TXNDC15: variants seen among roughly 807,000 people sequenced by gnomAD.
TXNDC15 encodes the protein thioredoxin domain containing 15, also known as thioredoxin domain-containing protein 15.
A neutral mutation model predicts 35.0 loss-of-function variants in TXNDC15; 24 were observed. That is an observed-to-expected ratio of 0.68 (90% CI 0.50 to 0.96). The LOEUF (loss-of-function observed/expected upper bound fraction) is 0.96, where lower values mean the gene tolerates loss of function less well. Ranked by LOEUF, TXNDC15 falls within the 40% of genes least tolerant of loss-of-function variation. TXNDC15 has a pLI of 0.00. For missense variants in TXNDC15, 385 were observed against 453.3 expected (o/e 0.85, Z 1.37); for synonymous variants, 169 against 174.0 (o/e 0.97, Z 0.23).
At position 134,887,991 on chromosome 5, in the gene TXNDC15, G is replaced by A; in HGVS notation, c.400G>A (p.Asp134Asn). The change falls in exon 2 of 5, where the codon GAT becomes AAT. Residue 134 changes from aspartate (D) to asparagine (N), a missense_variant. Coordinates refer to ENST00000358387, the MANE Select transcript of TXNDC15 (RefSeq NM_024715.4). ...CGTCCGAGAGAGCCTTTTCTCTCTG[G>A]ATGGCGCTGGAGCACACTTCCCTGA... Reference protein sequence around the residue: ...CNVRESLFSLDGAGAHFPDRE... With the variant: ...CNVRESLFSLNGAGAHFPDRE... 3.1e-6 allele frequency: 5 copies of A among 1,614,210 alleles called. No individual in the cohort carries two copies. Among genetic ancestry groups the A allele is most frequent in the Non-Finnish European group, 3.4e-6 (4 of 1,180,036 alleles).
Position 134,899,898 on chromosome 5 carries a change from G to A in TXNDC15, c.*213G>A. 1 of 470,604 alleles carries A rather than the reference G, an allele frequency of 2.1e-6. No homozygotes were observed. Among genetic ancestry groups the A allele is most frequent in the South Asian group, 3.8e-5 (1 of 26,486 alleles). The allele number at this position is 470,604 out of a possible 1,614,324, so 29.2% of individuals were successfully genotyped here. A position where few individuals can be genotyped will look rare whatever the true frequency, so the allele number is the denominator to read the frequency against. On this transcript the variant is annotated 3_prime_UTR_variant, in exon 5 of 5. Coordinates refer to ENST00000358387, the MANE Select transcript of TXNDC15 (RefSeq NM_024715.4). ...GCAAATGCAAAAATATTCAATAGAT[G>A]CACTATTCTTGTTTTTACTGCATGA...
At chr5:134,896,455 A>T (rs760072251) in intron 4 of TXNDC15, 31 bp downstream of exon 4, 2 of 1,611,016 alleles carry the variant, frequency 1.2e-6, no homozygotes, top group East Asian at 4.5e-5. Context: ...GAGGAAGAAG[A>T]TATTCTATTG....
At chr5:134,892,949 A>C (rs890805571) in intron 2 of TXNDC15, 2 of 153,474 alleles carry the variant, frequency 1.3e-5, no homozygotes, top group Admixed American at 1.3e-4. Context: ...AACATCAAAG[A>C]TACTTATCAT....
intron 2 of TXNDC15, among the ~76,000 whole-genome samples, chr5:134,888,814 T>C (rs911813574): frequency 6.6e-6 from 1 of 152,170 alleles, no homozygotes; most frequent in Admixed American, 6.5e-5. Flanking sequence ...TATTTATTTA[T>C]TACAGAGGCA....
At chr5:134,882,328 G>T (rs916304521) in intron 1 of TXNDC15, among the ~76,000 whole-genome samples, 1 of 151,458 alleles carries the variant, frequency 6.6e-6, no homozygotes, top group Admixed American at 6.6e-5. Flanking sequence ...ATGGGATGGC[G>T]GCCGGGCAGA....
At chr5:134,886,621 C>G (rs1750279901) in intron 1 of TXNDC15, among the ~76,000 whole-genome samples, 2 of 152,234 alleles carry the variant, frequency 1.3e-5, no homozygotes. Context: ...CACTGCCGAG[C>G]CCATCTCCCA....
chr5:134,877,702 G>A (rs1750059755), intron 1 of TXNDC15, among the ~76,000 whole-genome samples: 1 of 152,002 alleles, frequency 6.6e-6, no homozygotes, highest in Admixed American at 6.6e-5. Context: ...CCACCTCCTG[G>A]GTTCAAATGA....
intron 1 of TXNDC15, among the ~76,000 whole-genome samples, chr5:134,875,641 T>G (rs1750019125): frequency 1.3e-5 from 2 of 151,934 alleles, no homozygotes; most frequent in Non-Finnish European, 2.9e-5. Flanking sequence ...ATTACAGATG[T>G]GAGCCACTGC....
chr5:134,882,049 C>T (rs1174668727), intron 1 of TXNDC15, among the ~76,000 whole-genome samples: 11 of 149,614 alleles, frequency 7.4e-5, no homozygotes, highest in African/African-American at 2.2e-4. Flanking sequence ...ACTTCTCAGA[C>T]GGGGTGGCTG....
intron 2 of TXNDC15, 129 bp from the exon 3 acceptor site, chr5:134,893,363 G>A: frequency 1.9e-6 from 2 of 1,072,366 alleles, no homozygotes; most frequent in Non-Finnish European, 2.7e-6. Context: ...GGTTCCGAGG[G>A]TTCCTTCTCT....
chr5:134,878,435 A>G (rs563859693), intron 1 of TXNDC15, among the ~76,000 whole-genome samples: 2 of 152,298 alleles, frequency 1.3e-5, no homozygotes, highest in South Asian at 4.1e-4. Flanking sequence ...AGTATTGCCT[A>G]TGGAAAGTAT....
At position 134,888,015 on chromosome 5, in the gene TXNDC15, G is replaced by T. The variant is rs139383071; in HGVS notation, c.424G>T (p.Asp142Tyr). The change falls in exon 2 of 5, where the codon GAC (aspartate) becomes TAC (tyrosine). Residue 142 changes from aspartate (D) to tyrosine (Y), a missense_variant. By Grantham distance (160) the Asp-to-Tyr change is radical (BLOSUM62 -3). Transcript: ENST00000358387. ...GGATGGCGCTGGAGCACACTTCCCT[G>T]ACAGAGAAGAGGAGTATTACACAGA... is the stretch of plus-strand genomic sequence containing the variant. ...SLDGAGAHFPDREEEYYTEPE... is the reference protein window; with the variant it reads ...SLDGAGAHFPYREEEYYTEPE... 52 of 1,614,088 alleles carry T rather than the reference G, an allele frequency of 3.2e-5. No individual in the cohort carries two copies. In the African/African-American group the frequency reaches 5.9e-4, roughly 18 times the overall value.
chr5:134,896,077 A>T (rs1750483456), intron 3 of TXNDC15: 1 of 430,808 alleles, frequency 2.3e-6, no homozygotes. Context: ...TTATAATTGA[A>T]AGCAACTCAG....
rs764634537 is a variant in TXNDC15, at chr5:134,887,794, C to G, written c.203C>G (p.Pro68Arg). ...YLGEEELLHD[P>R]MGQDRAAEEA... ...GGTGAGGAGGAGCTCCTGCATGACC[C>G]GATGGGCCAGGACAGGGCAGCAGAA... Residue 68 changes from proline (P) to arginine (R), a missense_variant, in exon 2 of 5, where the codon CCG becomes CGG. By Grantham distance (103) the Pro-to-Arg change is moderately radical (BLOSUM62 -2). Coordinates refer to ENST00000358387, the MANE Select transcript of TXNDC15 (RefSeq NM_024715.4). 2.5e-6 allele frequency: 4 copies of G among 1,614,106 alleles called. No individual in the cohort carries two copies. In the South Asian group the frequency reaches 4.4e-5, roughly 18 times the overall value.
chr5:134,879,990 T>G (rs1409386716), intron 1 of TXNDC15, among the ~76,000 whole-genome samples: 1 of 152,110 alleles, frequency 6.6e-6, no homozygotes, highest in Non-Finnish European at 1.5e-5. Context: ...CAGACGGGAT[T>G]TCAACATGTT....
intron 1 of TXNDC15, among the ~76,000 whole-genome samples, chr5:134,882,466 C>T (rs1428462746): frequency 3.3e-5 from 5 of 152,200 alleles, no homozygotes; most frequent in African/African-American, 4.8e-5. Flanking sequence ...GCTGCAATCT[C>T]GGCACTTTGG....
At chr5:134,894,368 TC>T (rs1750448130) in intron 3 of TXNDC15, among the ~76,000 whole-genome samples, 1 of 150,730 alleles carries the variant, frequency 6.6e-6, no homozygotes, top group East Asian at 2.0e-4. Context: ...ATTTTTTTTT[TC>T]TTTTTTTTTT....
chr5:134,895,387 A>G (rs935310563), intron 3 of TXNDC15, among the ~76,000 whole-genome samples: 1 of 152,118 alleles, frequency 6.6e-6, no homozygotes, highest in Non-Finnish European at 1.5e-5. Context: ...TGGGGCCTCC[A>G]CTGCCCCCAG....
rs562088823 is a variant in TXNDC15 at position 134,886,087 on chromosome 5, GTGATGGATATCCCAAATACATTGATC to G, written c.104-1603_104-1578del. On this transcript the variant is annotated intron_variant, in intron 1 of 4. Transcript: ENST00000358387. Reference sequence around the variant, plus strand: ...CATGAAGAAAAGACAAATATTTAAGGTGATGGATATCCCAAATACATTGATCTGATCTTTACAAATTGCATGAATAT... The same window carrying G: ...CATGAAGAAAAGACAAATATTTAAGGTGATCTTTACAAATTGCATGAATAT... Among the ~76,000 whole-genome samples, 577 of 152,302 alleles carry G rather than the reference GTGATGGATATCCCAAATACATTGATC, an allele frequency of 3.8e-3. 5 individuals carry two copies. The highest frequency in any genetic ancestry group is 0.013 in the African/African-American group (555 of 41,562).
Sources: allele counts gnomAD v4.1 joint callset (sites outside exome capture counted in the v4.1 genomes callset), GRCh38; gene constraint gnomAD v4.1.1; transcripts MANE v1.5; gene names NCBI Gene and HGNC (gene_info 2026-07-23, HGNC 2026-07-21).